The following UST variants were observed in gnomAD, a reference collection of about 807,000 sequenced individuals.
UST encodes the protein uronyl 2-sulfotransferase, also known as chondroitin sulfate 2-O-sulfotransferase.
In UST, 21 loss-of-function variants were observed where a neutral mutation model predicts 45.6. The observed-to-expected ratio is 0.46, with a 90% CI of 0.33 to 0.66. The LOEUF (loss-of-function observed/expected upper bound fraction) is 0.66. Ranked by LOEUF, UST falls within the 30% of genes least tolerant of loss-of-function variation. The pLI is 0.02. For synonymous variants in UST, 215 were observed against 200.6 expected, an observed-to-expected ratio of 1.07 and a Z score of -0.61; for missense variants, 463 against 512.4, an observed-to-expected ratio of 0.90 and a Z score of 0.93.
chr6:148,955,729 A>AG (rs1780480788), intron 4 of UST: 1 of 152,274 alleles, frequency 6.6e-6, no homozygotes, highest in Admixed American at 6.5e-5. Flanking sequence ...TTGCTGTTCT[A>AG]GCGCGTTTCC....
At chr6:148,761,763 CTG>C (rs1776226867) in intron 1 of UST, among the ~76,000 whole-genome samples, 1 of 152,122 alleles carries the variant, frequency 6.6e-6, no homozygotes, top group African/African-American at 2.4e-5. Context: ...GGAGGAGTTC[CTG>C]TGTGGAAGAT....
In UST at chr6:148,790,030, T is replaced by C. The variant is rs955411128; in HGVS notation, c.247+42353T>C. ...TTTTCCAGCTTTAAGTGCCTATCCT[T>C]TTTGTCTGGGAAGGCTGATTTCTTT... On this transcript the variant is annotated intron_variant, in intron 1 of 7. Transcript: ENST00000367463. The surrounding 1 kb of genome is among the most constrained non-coding windows in gnomAD (Gnocchi z 4.2). 3.3e-5 allele frequency among the ~76,000 whole-genome samples: 5 copies of C among 151,920 alleles called. No homozygotes were observed. Among genetic ancestry groups the C allele is most frequent in the African/African-American group, 1.2e-4 (5 of 41,388 alleles).
chr6:148,864,502 T>C (rs963544707), intron 1 of UST, among the ~76,000 whole-genome samples: 12 of 152,200 alleles, frequency 7.9e-5, no homozygotes, highest in Non-Finnish European at 1.3e-4. Flanking sequence ...ATGGGCTGCA[T>C]CCACTGTCCG....
chr6:148,791,803 T>C (rs1776853458), intron 1 of UST, among the ~76,000 whole-genome samples: 1 of 152,186 alleles, frequency 6.6e-6, no homozygotes, highest in Admixed American at 6.5e-5. Flanking sequence ...CCTGTTTTCT[T>C]CTTGCCAGTC....
intron 1 of UST, among the ~76,000 whole-genome samples, chr6:148,783,479 G>T (rs960579202): frequency 6.6e-6 from 1 of 152,166 alleles, no homozygotes; most frequent in African/African-American, 2.4e-5. Flanking sequence ...CTCTCCTGGA[G>T]TTTTTCCCAT....
In UST at chr6:148,806,528, GT is replaced by G. The variant is rs201708713; in HGVS notation, c.247+58854del. Among the ~76,000 whole-genome samples the G allele has an allele frequency of 8.2e-3, 1,248 of 152,010 alleles. 21 individuals are homozygous for G. Among genetic ancestry groups the G allele is most frequent in the African/African-American group, 0.029 (1,195 of 41,458 alleles). The stretch of plus-strand genomic sequence containing the variant: ...TTTTTGGTATTTTAGTAGAGATGGG[GT>G]TTCACCATGTTGCCCAGCAGTCTGG... On this transcript the variant is annotated intron_variant, in intron 1 of 7. Transcript: ENST00000367463.
Position 148,818,571 on chromosome 6 carries a change from A to G in UST, c.248-68415A>G, listed in dbSNP as rs138127685. Among the ~76,000 whole-genome samples the G allele has an allele frequency of 1.2e-4, 18 of 152,318 alleles. No individual in the cohort carries two copies. The East Asian group carries it at 3.3e-3, about 28-fold the overall frequency. ...GGTGGCCAACAAATTGCAGGTTCAG[A>G]CGTAAATGTTTCAAACCTGGGTGGC... On this transcript the variant is annotated intron_variant, in intron 1 of 7. Transcript: ENST00000367463.
chr6:148,995,404 G>A (rs1013859593), intron 5 of UST, among the ~76,000 whole-genome samples: 4 of 152,196 alleles, frequency 2.6e-5, no homozygotes, highest in African/African-American at 9.6e-5. Context: ...TCAGCAGCTA[G>A]CACAGAAGCA....
At chr6:149,070,638 G>A (rs1776805949) in intron 7 of UST, among the ~76,000 whole-genome samples, 2 of 152,032 alleles carry the variant, frequency 1.3e-5, no homozygotes, top group African/African-American at 2.4e-5. Context: ...TACCTAATGG[G>A]GTACATGAGA....
intron 1 of UST, among the ~76,000 whole-genome samples, chr6:148,832,995 A>G (rs1777717625): frequency 6.6e-6 from 1 of 152,222 alleles, no homozygotes; most frequent in African/African-American, 2.4e-5. Flanking sequence ...TAATAACAAG[A>G]AAAGAAAGTA....
At chr6:148,830,716 C>T (rs754362190) in intron 1 of UST, among the ~76,000 whole-genome samples, 7 of 152,188 alleles carry the variant, frequency 4.6e-5, no homozygotes, top group Admixed American at 2.0e-4. Context: ...CAAAAAGACA[C>T]TGTTTTATGA....
At chr6:148,969,307 A>G (rs947513910) in intron 5 of UST, among the ~76,000 whole-genome samples, 1 of 152,194 alleles carries the variant, frequency 6.6e-6, no homozygotes, top group East Asian at 1.9e-4. Context: ...GTTTCAGTAA[A>G]TATCTATGTT....
chr6:148,791,534 A>C (rs1024523523), intron 1 of UST, among the ~76,000 whole-genome samples: 1 of 152,196 alleles, frequency 6.6e-6, no homozygotes, highest in Non-Finnish European at 1.5e-5. Flanking sequence ...TCAATTGCTC[A>C]CTGGGGAAAA....
intron 5 of UST, among the ~76,000 whole-genome samples, chr6:148,966,611 C>T (rs779562467): frequency 1.3e-5 from 2 of 152,226 alleles, no homozygotes; most frequent in African/African-American, 2.4e-5. Context: ...GCTTCTGTTG[C>T]CATCCTGTAA....
chr6:148,865,703 TG>T (rs1778415927), intron 1 of UST, among the ~76,000 whole-genome samples: 9 of 141,394 alleles, frequency 6.4e-5, no homozygotes, highest in Admixed American at 6.2e-4. Context: ...TGTGTGTGTG[TG>T]TGTGTGTGTG....
intron 2 of UST, among the ~76,000 whole-genome samples, chr6:148,901,279 A>G (rs1429292273): frequency 1.3e-5 from 2 of 152,256 alleles, no homozygotes; most frequent in East Asian, 3.8e-4. Context: ...TTGACATGAT[A>G]TGGAATTCCA....
At position 148,808,490 on chromosome 6, in the gene UST, TG is replaced by T. The variant is rs1777192781; in HGVS notation, c.247+60816del. 2.0e-5 allele frequency among the ~76,000 whole-genome samples: 3 copies of T among 151,554 alleles called. No individual in the cohort carries two copies. In the South Asian group the frequency reaches 6.3e-4, roughly 32 times the overall value. ...ACCCTTTACCTGGGATGGGGATAGG[TG>T]GGTGGGAGGCTTTCTTGCCCCACCC... On this transcript the variant is annotated intron_variant, in intron 1 of 7. Transcript: ENST00000367463.
At chr6:148,797,636 C>G (rs931696618) in intron 1 of UST, among the ~76,000 whole-genome samples, 1 of 152,104 alleles carries the variant, frequency 6.6e-6, no homozygotes, top group Non-Finnish European at 1.5e-5. Flanking sequence ...AAAATGTATC[C>G]TTCGAATGTT....
intron 7 of UST, among the ~76,000 whole-genome samples, chr6:149,064,466 C>CTGA (rs1032801880): frequency 2.6e-5 from 4 of 152,242 alleles, no homozygotes; most frequent in East Asian, 3.9e-4. Flanking sequence ...AAAGTGCCAA[C>CTGA]TGATGATGAT....
Sources: allele counts gnomAD v4.1 joint callset (sites outside exome capture counted in the v4.1 genomes callset), GRCh38; gene constraint gnomAD v4.1.1; non-coding constraint Gnocchi (gnomAD v3.1); transcripts MANE v1.5; gene names NCBI Gene and HGNC (gene_info 2026-07-23, HGNC 2026-07-21).